DLG2: variants seen among roughly 807,000 people sequenced by gnomAD.
The protein encoded by DLG2 is disks large homolog 2.
In DLG2, 45 loss-of-function variants were observed where a neutral mutation model predicts 132.5. The ratio of observed to expected loss-of-function variants is 0.34; its 90% CI spans 0.27 to 0.44. The LOEUF (loss-of-function observed/expected upper bound fraction) is 0.44, where lower values mean the gene tolerates loss of function less well. Ranked by LOEUF, DLG2 falls within the 20% of genes least tolerant of loss-of-function variation. DLG2 has a pLI of 1.00. For synonymous variants in DLG2, 424 were observed against 419.6 expected, an observed-to-expected ratio of 1.01 and a Z score of -0.13; for missense variants, 1,045 against 1,196.9, an observed-to-expected ratio of 0.87 and a Z score of 1.87.
Position 83,819,940 on chromosome 11 carries a change from C to CAAT in DLG2, c.1722+13671_1722+13673dup, listed in dbSNP as rs577133540. 2.3e-3 allele frequency among the ~76,000 whole-genome samples: 332 copies of CAAT among 144,200 alleles called. 3 individuals carry two copies. The highest frequency in any genetic ancestry group is 6.0e-3 in the African/African-American group (217 of 36,052). The allele number at this position is 144,200 out of a possible 152,430, so 94.6% of individuals were successfully genotyped here. On this transcript the variant is annotated intron_variant, in intron 17 of 27. Coordinates refer to ENST00000376104, the MANE Select transcript of DLG2 (RefSeq NM_001142699.3). ...CTTATGTTTAAATACAGGACCCTCA[C>CAAT]AATAATAATAATAATAATAAACAAA...
chr11:85,349,734 C>T (rs1400741285), intron 3 of DLG2, among the ~76,000 whole-genome samples: 1 of 152,132 alleles, frequency 6.6e-6, no homozygotes, highest in Admixed American at 6.5e-5. Flanking sequence ...TTGTAAAGGA[C>T]ATGAGCTCAT....
chr11:85,583,060 ATATATAT>A (rs2078669000), intron 3 of DLG2, among the ~76,000 whole-genome samples: 2 of 78,294 alleles, frequency 2.6e-5, no homozygotes, highest in African/African-American at 7.0e-5. Context: ...AAAAAAAAAT[ATATATAT>A]ATATATATAT....
intron 6 of DLG2, among the ~76,000 whole-genome samples, chr11:84,654,022 C>G (rs2099685210): frequency 6.6e-6 from 1 of 152,132 alleles, no homozygotes; most frequent in Non-Finnish European, 1.5e-5. Flanking sequence ...GTGTATAAGA[C>G]TGAATGCTTT....
At chr11:83,536,403 C>T (rs2095877029) in intron 20 of DLG2, among the ~76,000 whole-genome samples, 1 of 152,140 alleles carries the variant, frequency 6.6e-6, no homozygotes, top group South Asian at 2.1e-4. Flanking sequence ...TCTTGGGGTT[C>T]TCTGCAAACC....
intron 3 of DLG2, among the ~76,000 whole-genome samples, chr11:85,347,065 T>C (rs1390214354): frequency 2.6e-5 from 4 of 152,102 alleles, no homozygotes; most frequent in Non-Finnish European, 5.9e-5. Context: ...CACCTCAAAA[T>C]AGTCATTCCA....
chr11:85,535,527 T>C (rs1213363470), intron 3 of DLG2, among the ~76,000 whole-genome samples: 1 of 152,204 alleles, frequency 6.6e-6, no homozygotes, highest in Non-Finnish European at 1.5e-5. Flanking sequence ...CTCTCATGTA[T>C]TGCTGATGGG....
intron 11 of DLG2, among the ~76,000 whole-genome samples, chr11:84,019,190 A>T (rs952917017): frequency 5.9e-5 from 9 of 152,082 alleles, no homozygotes; most frequent in Non-Finnish European, 1.2e-4. Context: ...ATGCATACAC[A>T]ATATGCCGTT....
chr11:84,203,751 G>GA (rs2096628868), intron 8 of DLG2, among the ~76,000 whole-genome samples: 1 of 151,948 alleles, frequency 6.6e-6, no homozygotes, highest in Non-Finnish European at 1.5e-5. Context: ...ACATGGAAGG[G>GA]AAAAACACAA....
At chr11:85,051,730 G>A (rs2062916419) in intron 6 of DLG2, among the ~76,000 whole-genome samples, 1 of 152,090 alleles carries the variant, frequency 6.6e-6, no homozygotes, top group Non-Finnish European at 1.5e-5. Context: ...GTCACTCAAA[G>A]TCTCATTTTT....
chr11:84,762,406 T>C (rs2067760376), intron 6 of DLG2, among the ~76,000 whole-genome samples: 1 of 152,216 alleles, frequency 6.6e-6, no homozygotes, highest in Non-Finnish European at 1.5e-5. Context: ...ACAGTAGTTG[T>C]TGACAACTTA....
chr11:84,223,736 T>C (rs950278427), intron 8 of DLG2, among the ~76,000 whole-genome samples: 3 of 152,120 alleles, frequency 2.0e-5, no homozygotes, highest in African/African-American at 7.2e-5. Flanking sequence ...TCTGTATTTT[T>C]AGTAGCGATG....
chr11:85,466,940 G>A (rs1425556482), intron 3 of DLG2, among the ~76,000 whole-genome samples: 1 of 152,148 alleles, frequency 6.6e-6, no homozygotes, highest in East Asian at 1.9e-4. Flanking sequence ...TCCTACCCAT[G>A]AGCATGGAAT....
intron 6 of DLG2, among the ~76,000 whole-genome samples, chr11:84,873,984 C>T (rs554832258): frequency 6.6e-6 from 1 of 152,220 alleles, no homozygotes; most frequent in East Asian, 1.9e-4. Context: ...GCATATAAAG[C>T]TCAAAGAAAG....
intron 11 of DLG2, among the ~76,000 whole-genome samples, chr11:84,057,024 T>C (rs2096514170): frequency 6.6e-6 from 1 of 152,078 alleles, no homozygotes; most frequent in African/African-American, 2.4e-5. Context: ...CCATCTCCCA[T>C]ACACTGTATA....
At chr11:85,177,400 C>G (rs1423991887) in intron 4 of DLG2, among the ~76,000 whole-genome samples, 2 of 151,898 alleles carry the variant, frequency 1.3e-5, no homozygotes, top group Admixed American at 6.6e-5. Context: ...ATCTGTTATC[C>G]TCAGCAAACT....
intron 5 of DLG2, among the ~76,000 whole-genome samples, chr11:85,136,839 A>G (rs932310234): frequency 6.6e-6 from 1 of 152,156 alleles, no homozygotes; most frequent in Non-Finnish European, 1.5e-5. Flanking sequence ...GGCACCTAAT[A>G]TGGTACTGGC....
At chr11:84,773,703 T>C (rs1457206808) in intron 6 of DLG2, among the ~76,000 whole-genome samples, 1 of 152,108 alleles carries the variant, frequency 6.6e-6, no homozygotes, top group Admixed American at 6.6e-5. Context: ...ATCATCTCAA[T>C]ACAGGTGGAA....
chr11:84,433,580 T>C (rs574426548), intron 7 of DLG2, among the ~76,000 whole-genome samples: 1 of 152,362 alleles, frequency 6.6e-6, no homozygotes, highest in East Asian at 1.9e-4. Flanking sequence ...AGAGAATTTG[T>C]TGGTACAAAT....
intron 18 of DLG2, chr11:83,720,698 A>G (rs1593073927): frequency 6.6e-6 from 1 of 151,640 alleles, no homozygotes; most frequent in East Asian, 1.9e-4. Flanking sequence ...AAGAGTAAGT[A>G]AAGTTTAGGA....
Sources: allele counts gnomAD v4.1 joint callset (sites outside exome capture counted in the v4.1 genomes callset), GRCh38; gene constraint gnomAD v4.1.1; transcripts MANE v1.5; gene names NCBI Gene and HGNC (gene_info 2026-07-23, HGNC 2026-07-21).